The following CALCRL variants were observed in gnomAD, a reference collection of about 807,000 sequenced individuals.
CALCRL encodes calcitonin gene-related peptide type 1 receptor.
Under a neutral mutation model 60.4 loss-of-function variants are expected in CALCRL, and 27 were observed. The observed-to-expected ratio is 0.45, with a 90% CI of 0.33 to 0.62. CALCRL has a LOEUF of 0.62. CALCRL is among the 20% of genes least tolerant of loss of function. The probability of loss-of-function intolerance (pLI) is 0.03; values close to 1 mark genes in which losing one functional copy is unlikely to be tolerated. For missense variants in CALCRL, 424 were observed against 540.7 expected (o/e 0.78, Z 2.14); for synonymous variants, 190 against 182.6 (o/e 1.04, Z -0.33).
At chr2:187,432,667 A>C (rs190709835) in intron 1 of CALCRL, among the ~76,000 whole-genome samples, 51 of 152,228 alleles carry the variant, frequency 3.4e-4, no homozygotes, top group African/African-American at 1.0e-3. Context: ...AAAATTAACT[A>C]ACACATTTTA....
At chr2:187,394,662 A>AAATC (rs1357342892) in intron 1 of CALCRL, among the ~76,000 whole-genome samples, 1 of 152,000 alleles carries the variant, frequency 6.6e-6, no homozygotes, top group African/African-American at 2.4e-5. Context: ...AATTTTAAGA[A>AAATC]AATCAACTCA....
At chr2:187,391,914 A>T in intron 1 of CALCRL, among the ~76,000 whole-genome samples, 1 of 152,120 alleles carries the variant, frequency 6.6e-6, no homozygotes, top group East Asian at 1.9e-4. Context: ...TATATTATAC[A>T]TCTACCAAGA....
chr2:187,437,564 G>A (rs1690700055), intron 1 of CALCRL, among the ~76,000 whole-genome samples: 1 of 151,498 alleles, frequency 6.6e-6, no homozygotes, highest in South Asian at 2.1e-4. Flanking sequence ...TCTATTTTAA[G>A]CTCCTTAGAA....
chr2:187,359,282 C>CAAA lies in CALCRL; in HGVS notation c.782-13_782-11dup. On this transcript the variant is annotated splice_polypyrimidine_tract_variant and intron_variant, in intron 10 of 14. Coordinates refer to ENST00000392370, the MANE Select transcript of CALCRL (RefSeq NM_005795.6). The stretch of plus-strand genomic sequence containing the variant: ...GGAATCAGTGGAAATCCTGTAATAA[C>CAAA]AAAAAAAAAAGAAAATAAATAGGCA... 1 of 1,240,046 alleles carries CAAA rather than the reference C, an allele frequency of 8.1e-7. No homozygotes were observed. The highest frequency in any genetic ancestry group is 1.1e-6 in the Non-Finnish European group (1 of 941,902). The allele number at this position is 1,240,046 out of a possible 1,614,324, so 76.8% of individuals were successfully genotyped here. A position where few individuals can be genotyped will look rare whatever the true frequency, so the allele number is the denominator to read the frequency against.
At chr2:187,366,948 A>T in intron 8 of CALCRL, among the ~76,000 whole-genome samples, 1 of 151,580 alleles carries the variant, frequency 6.6e-6, no homozygotes, top group African/African-American at 2.4e-5. Context: ...ACACACACAC[A>T]CACACACACA....
chr2:187,405,532 G>A (rs180960888), intron 1 of CALCRL, among the ~76,000 whole-genome samples: 197 of 152,018 alleles, frequency 1.3e-3, no homozygotes, highest in Non-Finnish European at 2.5e-3. Flanking sequence ...TCATCATCCC[G>A]AGGACAGTAT....
At chr2:187,383,979 A>G (rs745985476) in intron 4 of CALCRL, among the ~76,000 whole-genome samples, 2 of 135,650 alleles carry the variant, frequency 1.5e-5, no homozygotes, top group Non-Finnish European at 3.1e-5. Context: ...CTGATTTATA[A>G]TATGAAGCCC....
chr2:187,405,538 A>G (rs1210812424), intron 1 of CALCRL, among the ~76,000 whole-genome samples: 4 of 152,018 alleles, frequency 2.6e-5, no homozygotes, highest in African/African-American at 7.2e-5. Flanking sequence ...TCCCGAGGAC[A>G]GTATTGTTAA....
chr2:187,382,633 A>G (rs1010584248), intron 5 of CALCRL, among the ~76,000 whole-genome samples: 16 of 152,064 alleles, frequency 1.1e-4, no homozygotes, highest in African/African-American at 3.9e-4. Context: ...TTTTATCTTC[A>G]GAATCTAGTC....
At chr2:187,368,279 C>T (rs547860064) in intron 8 of CALCRL, among the ~76,000 whole-genome samples, 9 of 152,116 alleles carry the variant, frequency 5.9e-5, no homozygotes, top group East Asian at 5.8e-4. Context: ...TTTAATCAAA[C>T]GCTCTAATGG....
At chr2:187,393,620 A>G (rs1419239612) in intron 1 of CALCRL, among the ~76,000 whole-genome samples, 2 of 152,118 alleles carry the variant, frequency 1.3e-5, no homozygotes, top group African/African-American at 4.8e-5. Flanking sequence ...ACACCCTAAC[A>G]AAGTGATCAC....
intron 1 of CALCRL, among the ~76,000 whole-genome samples, chr2:187,440,452 T>C (rs1055362943): frequency 1.1e-4 from 16 of 152,162 alleles, no homozygotes; most frequent in African/African-American, 3.4e-4. Flanking sequence ...TAATGAAACA[T>C]TGAGATGGAG....
intron 1 of CALCRL, among the ~76,000 whole-genome samples, chr2:187,417,417 A>G (rs2105863726): frequency 6.6e-6 from 1 of 152,224 alleles, no homozygotes; most frequent in Non-Finnish European, 1.5e-5. Context: ...GAGGTTTATT[A>G]TTGTATAGAC....
intron 1 of CALCRL, among the ~76,000 whole-genome samples, chr2:187,442,971 C>T (rs548889557): frequency 3.3e-5 from 5 of 151,790 alleles, no homozygotes; most frequent in South Asian, 2.1e-4. Flanking sequence ...GTTTTGTCAA[C>T]GAGGATTGTG....
intron 1 of CALCRL, among the ~76,000 whole-genome samples, chr2:187,446,055 A>G (rs1278388804): frequency 6.6e-6 from 1 of 151,640 alleles, no homozygotes; most frequent in Non-Finnish European, 1.5e-5. Flanking sequence ...CAAAAACATT[A>G]TCTCTTTAAG....
At chr2:187,377,706 G>A (rs1167689654) in intron 8 of CALCRL, among the ~76,000 whole-genome samples, 1 of 152,066 alleles carries the variant, frequency 6.6e-6, no homozygotes, top group African/African-American at 2.4e-5. Flanking sequence ...TGAAAGCAAT[G>A]TTAATGGTCG....
intron 1 of CALCRL, among the ~76,000 whole-genome samples, chr2:187,405,960 G>GGTGTGTGTGT (rs3079520): frequency 9.3e-4 from 137 of 146,718 alleles, no homozygotes; most frequent in Admixed American, 1.7e-3. Context: ...TGTATGTAGG[G>GGTGTGTGTGT]GTGTGTGTGT....
chr2:187,349,092 G>T (rs10177093), intron 14 of CALCRL, among the ~76,000 whole-genome samples: 83,393 of 151,274 alleles, frequency 0.55, 23,057 homozygotes, highest in East Asian at 0.62. Context: ...TAGTTCTCAT[G>T]AAAGAATTTG....
chr2:187,408,020 CAG>C (rs1689207736), intron 1 of CALCRL, among the ~76,000 whole-genome samples: 1 of 151,980 alleles, frequency 6.6e-6, no homozygotes, highest in African/African-American at 2.4e-5. Flanking sequence ...TTGGTGGCCT[CAG>C]ATTATTTTTA....
Sources: allele counts gnomAD v4.1 joint callset (sites outside exome capture counted in the v4.1 genomes callset), GRCh38; gene constraint gnomAD v4.1.1; transcripts MANE v1.5; gene names NCBI Gene and HGNC (gene_info 2026-07-23, HGNC 2026-07-21).